The following PCNX2 variants were observed in gnomAD, a reference collection of about 807,000 sequenced individuals.
PCNX2 encodes the protein pecanex-like protein 2.
Under a neutral mutation model 223.8 loss-of-function variants are expected in PCNX2, and 168 were observed. The ratio of observed to expected loss-of-function variants is 0.75; its 90% CI spans 0.66 to 0.85. The LOEUF is 0.85. Among genes scored for constraint, PCNX2 ranks in the 40% least tolerant of loss-of-function variants. The probability of loss-of-function intolerance (pLI) is 0.00; values close to 1 mark genes in which losing one functional copy is unlikely to be tolerated. For missense variants in PCNX2, 2,507 were observed against 2,675.5 expected (o/e 0.94, Z 1.39); for synonymous variants, 1,006 against 1,052.6 (o/e 0.96, Z 0.86).
At chr1:233,014,500 A>G (rs1319444582) in intron 28 of PCNX2, among the ~76,000 whole-genome samples, 165 bp downstream of exon 28, 3 of 152,178 alleles carry the variant, frequency 2.0e-5, no homozygotes, top group African/African-American at 7.2e-5. Flanking sequence ...GCAGTGATCA[A>G]AAAAAATGTT....
intron 10 of PCNX2, among the ~76,000 whole-genome samples, chr1:233,221,779 T>G (rs1001555500): frequency 4.6e-5 from 7 of 152,126 alleles, no homozygotes; most frequent in African/African-American, 1.7e-4. Flanking sequence ...AAATGGATTA[T>G]GGACAACGAA....
At chr1:233,071,374 T>C (rs1485395670) in intron 23 of PCNX2, among the ~76,000 whole-genome samples, 1 of 152,186 alleles carries the variant, frequency 6.6e-6, no homozygotes, top group African/African-American at 2.4e-5. Context: ...TGTGGTCTCA[T>C]CATTTGCCTC....
At chr1:232,999,049 C>CA in intron 31 of PCNX2, 56 bp downstream of exon 31, 2 of 1,525,958 alleles carry the variant, frequency 1.3e-6, no homozygotes, top group Non-Finnish European at 1.8e-6. Flanking sequence ...GAGCTCCCTG[C>CA]ATCCCCCACA....
chr1:233,089,843 T>C, intron 23 of PCNX2: 1 of 1,292,280 alleles, frequency 7.7e-7, no homozygotes, highest in Non-Finnish European at 9.8e-7. Context: ...TGGACTAGTA[T>C]TCGTTGGCTA....
intron 8 of PCNX2, among the ~76,000 whole-genome samples, chr1:233,238,715 T>A (rs1400484708): frequency 6.9e-6 from 1 of 145,824 alleles, no homozygotes; most frequent in Non-Finnish European, 1.5e-5. Flanking sequence ...AAAAGCAACT[T>A]TCATACACAC....
intron 13 of PCNX2, among the ~76,000 whole-genome samples, chr1:233,203,349 A>T (rs1681243480): frequency 6.6e-6 from 1 of 152,246 alleles, no homozygotes. Context: ...AATTCCAGCC[A>T]GAGGTCACCA....
At chr1:233,211,893 A>G (rs1184749383) in intron 12 of PCNX2, 1 of 836,940 alleles carries the variant, frequency 1.2e-6, no homozygotes, top group Admixed American at 6.2e-5. Flanking sequence ...GACTCTGGGC[A>G]GAGAAAAGGG....
At chr1:233,319,857 A>C in the PCNX2 span, among the ~76,000 whole-genome samples, 1 of 152,252 alleles carries the variant, frequency 6.6e-6, no homozygotes, top group Non-Finnish European at 1.5e-5. Flanking sequence ...CTTTATTTTA[A>C]AGATAACATT....
chr1:233,103,610 T>C (rs1348615927), intron 21 of PCNX2, among the ~76,000 whole-genome samples: 1 of 152,156 alleles, frequency 6.6e-6, no homozygotes. Context: ...TTGCAAATGA[T>C]AGAATTCTTT....
At chr1:233,058,140 C>A (rs771667892) in intron 23 of PCNX2, 30 of 830,530 alleles carry the variant, frequency 3.6e-5, no homozygotes, top group Non-Finnish European at 3.9e-5. Context: ...CCTCAGTGCA[C>A]AGCTTTTGTA....
At chr1:233,074,594 C>CAAAAAAAA (rs531631109) in intron 23 of PCNX2, among the ~76,000 whole-genome samples, 5 of 47,710 alleles carry the variant, frequency 1.0e-4, no homozygotes, top group Non-Finnish European at 1.3e-4. Flanking sequence ...GACTCCGTCT[C>CAAAAAAAA]AAAAAAAAAA....
At chr1:232,985,736 C>G in intron 33 of PCNX2, 1 of 547,114 alleles carries the variant, frequency 1.8e-6, no homozygotes, top group Non-Finnish European at 3.2e-6. Context: ...CTCCCTCAGG[C>G]CAGAATCATG....
chr1:233,287,355 C>T (rs1438129145), intron 1 of PCNX2, among the ~76,000 whole-genome samples: 2 of 152,024 alleles, frequency 1.3e-5, no homozygotes, highest in Admixed American at 1.3e-4. Flanking sequence ...TGGCTGTGTC[C>T]CCACCCAAAT....
chr1:233,022,491 G>A (rs1016023168), intron 26 of PCNX2, among the ~76,000 whole-genome samples: 5 of 152,026 alleles, frequency 3.3e-5, no homozygotes, highest in African/African-American at 1.2e-4. Context: ...GAGAAGCTGC[G>A]GGCATGTGGA....
At chr1:233,157,308 G>C (rs554749871) in intron 19 of PCNX2, among the ~76,000 whole-genome samples, 1 of 152,270 alleles carries the variant, frequency 6.6e-6, no homozygotes, top group East Asian at 1.9e-4. Flanking sequence ...AAATCAGTGG[G>C]ACCCAAGTTA....
At chr1:233,060,963 A>C (rs10797599) in intron 23 of PCNX2, among the ~76,000 whole-genome samples, 72,606 of 151,998 alleles carry the variant, frequency 0.48, 17,784 homozygotes, top group East Asian at 0.76. Context: ...TTTCCACCCC[A>C]TGGCCAGTCT....
chr1:233,286,780 G>A (rs930861389), intron 1 of PCNX2, among the ~76,000 whole-genome samples: 22 of 152,158 alleles, frequency 1.4e-4, no homozygotes, highest in African/African-American at 3.9e-4. Context: ...CCTTACCACC[G>A]TGACAGTCAA....
At chr1:233,028,839 C>CAAT (rs1671170490) in intron 25 of PCNX2, among the ~76,000 whole-genome samples, 1 of 129,780 alleles carries the variant, frequency 7.7e-6, no homozygotes, top group African/African-American at 2.8e-5. Context: ...CTTTCCAGTC[C>CAAT]TTTTTTTTTT....
At chr1:233,165,315 G>C (rs1027898164) in intron 17 of PCNX2, among the ~76,000 whole-genome samples, 8 of 152,090 alleles carry the variant, frequency 5.3e-5, no homozygotes, top group African/African-American at 1.9e-4. Flanking sequence ...ATGCCTCCTA[G>C]GGCACATTTT....
Sources: allele counts gnomAD v4.1 joint callset (sites outside exome capture counted in the v4.1 genomes callset), GRCh38; gene constraint gnomAD v4.1.1; transcripts MANE v1.5; gene names NCBI Gene and HGNC (gene_info 2026-07-23, HGNC 2026-07-21).